CHST11: variants seen among roughly 807,000 people sequenced by gnomAD.
The protein encoded by CHST11 is carbohydrate sulfotransferase 11, also known as C4S-1.
CHST11 carries 9 observed loss-of-function variants against 30.4 expected under a neutral mutation model. That is an observed-to-expected ratio of 0.30 (90% CI 0.18 to 0.52). The LOEUF (loss-of-function observed/expected upper bound fraction) is 0.52. Among genes scored for constraint, CHST11 ranks in the 20% least tolerant of loss-of-function variants. The pLI is 0.97. For missense variants in CHST11, 348 were observed against 460.6 expected (o/e 0.76, Z 2.24); for synonymous variants, 152 against 187.8 (o/e 0.81, Z 1.56).
rs935029420 is a variant in CHST11, at chr12:104,559,412, A to G, written c.119-42494A>G. 4.6e-5 allele frequency among the ~76,000 whole-genome samples: 7 copies of G among 152,332 alleles called. No individual in the cohort carries two copies. In the East Asian group the frequency reaches 7.7e-4, roughly 17 times the overall value. On this transcript the variant is annotated intron_variant, in intron 1 of 2. Transcript: ENST00000303694. ...TAAAGTAAACAAAGTCCCTCCCTTC[A>G]TGGAGCCTCCATTCTGGTGGGGAAG...
At position 104,730,274 on chromosome 12, in the gene CHST11, C is replaced by T. The variant is rs559335046; in HGVS notation, c.205-26675C>T. Among the ~76,000 whole-genome samples, 27 of 152,362 alleles carry T rather than the reference C, an allele frequency of 1.8e-4. No individual in the cohort carries two copies. The South Asian group carries it at 5.0e-3, about 28-fold the overall frequency. ...CAGTTAATTAACCTCTCTGTTCACA[C>T]GGCCTCTTGTATGACATGGGAGAAG... On this transcript the variant is annotated intron_variant, in intron 2 of 2. Coordinates refer to ENST00000303694, the MANE Select transcript of CHST11 (RefSeq NM_018413.6).
intron 2 of CHST11, among the ~76,000 whole-genome samples, chr12:104,627,426 A>G (rs943269876): frequency 2.6e-5 from 4 of 152,180 alleles, no homozygotes; most frequent in Admixed American, 6.5e-5. Context: ...TGAGATGCCT[A>G]TTTATTAATT....
At chr12:104,497,493 C>A (rs768110673) in intron 1 of CHST11, among the ~76,000 whole-genome samples, 1 of 152,168 alleles carries the variant, frequency 6.6e-6, no homozygotes, top group South Asian at 2.1e-4. Flanking sequence ...TGAAAGCCAC[C>A]TACTCTGTGG....
At chr12:104,604,458 C>T (rs2038984247) in intron 2 of CHST11, among the ~76,000 whole-genome samples, 1 of 152,170 alleles carries the variant, frequency 6.6e-6, no homozygotes, top group Admixed American at 6.5e-5. Flanking sequence ...ATGTTCCATC[C>T]CACGCAAGTT....
At chr12:104,623,407 G>A (rs1242274919) in intron 2 of CHST11, among the ~76,000 whole-genome samples, 2 of 152,194 alleles carry the variant, frequency 1.3e-5, no homozygotes, top group African/African-American at 4.8e-5. Flanking sequence ...CAGGCCACCC[G>A]TGGTAGATAA....
intron 2 of CHST11, among the ~76,000 whole-genome samples, chr12:104,739,175 C>T (rs572283941): frequency 7.5e-4 from 114 of 152,308 alleles, no homozygotes; most frequent in African/African-American, 2.6e-3. Flanking sequence ...GCGTTCTCTC[C>T]CTCTCCACCT....
chr12:104,667,436 A>G (rs1337020902), intron 2 of CHST11, among the ~76,000 whole-genome samples: 1 of 152,216 alleles, frequency 6.6e-6, no homozygotes, highest in African/African-American at 2.4e-5. Context: ...ATTGGATGAC[A>G]ACATATATGT....
intron 1 of CHST11, among the ~76,000 whole-genome samples, chr12:104,488,669 ATGTGTATGCGTC>A (rs1371678972): frequency 4.1e-4 from 53 of 128,496 alleles, no homozygotes; most frequent in Non-Finnish European, 1.7e-4. Flanking sequence ...GTGTGCGTGT[ATGTGTATGCGTC>A]TGTGTATGCG....
chr12:104,624,700 A>G (rs1237230636), intron 2 of CHST11, among the ~76,000 whole-genome samples: 4 of 152,132 alleles, frequency 2.6e-5, no homozygotes, highest in Admixed American at 1.3e-4. Context: ...TTGGGATTAC[A>G]TTTTCCCAGG....
chr12:104,718,716 T>TTAGC (rs539363769), intron 2 of CHST11, among the ~76,000 whole-genome samples: 43 of 152,278 alleles, frequency 2.8e-4, no homozygotes, highest in African/African-American at 1.0e-3. Context: ...GGACTGTCAT[T>TTAGC]TAGCCAGCCA....
chr12:104,596,946 G>T (rs534491785), intron 1 of CHST11, among the ~76,000 whole-genome samples: 1 of 152,162 alleles, frequency 6.6e-6, no homozygotes, highest in Non-Finnish European at 1.5e-5. Flanking sequence ...TAGGACATGC[G>T]TGAGAGGCAA....
intron 2 of CHST11, among the ~76,000 whole-genome samples, chr12:104,735,899 T>C (rs952502874): frequency 6.6e-6 from 1 of 152,152 alleles, no homozygotes; most frequent in African/African-American, 2.4e-5. Flanking sequence ...GACCCAGGCT[T>C]GGAGCCCAGA....
intron 1 of CHST11, among the ~76,000 whole-genome samples, chr12:104,584,729 T>C (rs1038637542): frequency 3.5e-4 from 53 of 152,248 alleles, no homozygotes; most frequent in Admixed American, 1.7e-3. Flanking sequence ...GTAGCATTTT[T>C]TGATTGGTCC....
intron 2 of CHST11, among the ~76,000 whole-genome samples, chr12:104,724,372 G>A (rs138400458): frequency 6.6e-6 from 1 of 152,304 alleles, no homozygotes; most frequent in East Asian, 1.9e-4. Context: ...AGGTTCTGGA[G>A]ATCGGGGGTT....
chr12:104,633,176 C>T (rs975494692), intron 2 of CHST11, among the ~76,000 whole-genome samples: 2 of 152,190 alleles, frequency 1.3e-5, no homozygotes, highest in African/African-American at 4.8e-5. Flanking sequence ...TGGAAATATT[C>T]AGCTGCTCCT....
chr12:104,610,086 T>TGTGTGC lies in CHST11; in HGVS notation c.204+8100_204+8101insCGTGTG, dbSNP rs2039045556. Among the ~76,000 whole-genome samples, 3 of 121,280 alleles carry TGTGTGC rather than the reference T, an allele frequency of 2.5e-5. No homozygotes were observed. The South Asian group carries it at 7.5e-4, about 30-fold the overall frequency. 79.6% of individuals were successfully genotyped at this position (121,280 alleles called of 152,430 possible). ...GTGTGTGTGTGTGTGTGTGTGTGTG[T>TGTGTGC]GTGTGTGTGTCTGTGGTATGTGTTA... is the stretch of plus-strand genomic sequence containing the variant. On this transcript the variant is annotated intron_variant, in intron 2 of 2. Coordinates refer to ENST00000303694, the MANE Select transcript of CHST11 (RefSeq NM_018413.6).
intron 1 of CHST11, among the ~76,000 whole-genome samples, chr12:104,594,256 C>A (rs2038887217): frequency 6.9e-6 from 1 of 143,976 alleles, no homozygotes; most frequent in South Asian, 2.2e-4. Context: ...CCAGTATTTT[C>A]CTCTGCAAAT....
chr12:104,614,116 T>G (rs1019224625), intron 2 of CHST11, among the ~76,000 whole-genome samples: 1 of 152,238 alleles, frequency 6.6e-6, no homozygotes, highest in African/African-American at 2.4e-5. Flanking sequence ...GTCATCACTT[T>G]CACTATCTAT....
At chr12:104,736,690 T>C (rs1485417155) in intron 2 of CHST11, among the ~76,000 whole-genome samples, 1 of 152,146 alleles carries the variant, frequency 6.6e-6, no homozygotes, top group African/African-American at 2.4e-5. Flanking sequence ...AACTCTGATT[T>C]ACCCGGAGTT....
Sources: allele counts gnomAD v4.1 joint callset (sites outside exome capture counted in the v4.1 genomes callset), GRCh38; gene constraint gnomAD v4.1.1; transcripts MANE v1.5; gene names NCBI Gene and HGNC (gene_info 2026-07-23, HGNC 2026-07-21).